Variants in HHAT observed in about 807,000 individuals in gnomAD.
The protein encoded by HHAT is hedgehog acyltransferase, also known as protein-cysteine N-palmitoyltransferase HHAT.
In HHAT, 47 loss-of-function variants were observed where a neutral mutation model predicts 70.8. That is an observed-to-expected ratio of 0.66 (90% CI 0.53 to 0.85). The LOEUF (loss-of-function observed/expected upper bound fraction) is 0.85. Among genes scored for constraint, HHAT ranks in the 40% least tolerant of loss-of-function variants. HHAT has a pLI of 0.00. For synonymous variants in HHAT, 228 were observed against 247.6 expected, an observed-to-expected ratio of 0.92 and a Z score of 0.74; for missense variants, 609 against 604.8, an observed-to-expected ratio of 1.01 and a Z score of -0.07.
At chr1:210,421,746 G>A (rs548376064) in intron 7 of HHAT, among the ~76,000 whole-genome samples, 2 of 152,040 alleles carry the variant, frequency 1.3e-5, no homozygotes, top group East Asian at 3.9e-4. Flanking sequence ...TGCCTGGCCT[G>A]GTATATAATT....
intron 8 of HHAT, among the ~76,000 whole-genome samples, chr1:210,481,545 C>G (rs2094396918): frequency 6.6e-6 from 1 of 152,116 alleles, no homozygotes; most frequent in African/African-American, 2.4e-5. Flanking sequence ...AAACAAGGCA[C>G]TAAATAGGTG....
intron 9 of HHAT, among the ~76,000 whole-genome samples, chr1:210,536,361 G>C (rs1288016348): frequency 6.6e-6 from 1 of 152,216 alleles, no homozygotes; most frequent in African/African-American, 2.4e-5. Context: ...TTTCAGTACT[G>C]AACTTTCTTT....
chr1:210,527,716 A>G (rs12121717), intron 9 of HHAT, among the ~76,000 whole-genome samples: 29,206 of 152,226 alleles, frequency 0.19, 3,388 homozygotes, highest in Middle Eastern at 0.29. Flanking sequence ...TGAGCACGTG[A>G]CAGAGGATGG....
intron 10 of HHAT, among the ~76,000 whole-genome samples, chr1:210,600,094 A>G (rs59114134): frequency 0.011 from 1,711 of 152,228 alleles, 48 homozygotes; most frequent in African/African-American, 0.039. Context: ...TCCTAACTCA[A>G]TTAGATCCCA....
intron 1 of HHAT, among the ~76,000 whole-genome samples, chr1:210,330,317 G>A (rs1266288887): frequency 6.6e-6 from 1 of 152,186 alleles, no homozygotes; most frequent in African/African-American, 2.4e-5. Flanking sequence ...TAAGGAGACT[G>A]TGTGCTTATT....
intron 11 of HHAT, among the ~76,000 whole-genome samples, chr1:210,625,721 T>C (rs1260892486): frequency 6.6e-6 from 1 of 152,244 alleles, no homozygotes; most frequent in African/African-American, 2.4e-5. Flanking sequence ...CATAGAAGTT[T>C]GTTTCTCTGA....
intron 8 of HHAT, among the ~76,000 whole-genome samples, chr1:210,476,551 C>G (rs968904978): frequency 1.3e-5 from 2 of 152,226 alleles, no homozygotes; most frequent in South Asian, 2.1e-4. Flanking sequence ...CTATGCAGCT[C>G]TCTTACAAAC....
At chr1:210,483,994 T>A (rs765181315) in intron 8 of HHAT, among the ~76,000 whole-genome samples, 3 of 152,210 alleles carry the variant, frequency 2.0e-5, no homozygotes, top group African/African-American at 7.2e-5. Flanking sequence ...TTGTGACTGA[T>A]TGACCGGCTC....
At chr1:210,547,498 C>A (rs1024529328) in intron 9 of HHAT, among the ~76,000 whole-genome samples, 1 of 152,150 alleles carries the variant, frequency 6.6e-6, no homozygotes, top group Non-Finnish European at 1.5e-5. Flanking sequence ...AGATCCTGGT[C>A]CCTCAGTAGT....
chr1:210,553,615 G>A (rs749741359), intron 9 of HHAT, among the ~76,000 whole-genome samples: 34 of 152,336 alleles, frequency 2.2e-4, no homozygotes, highest in African/African-American at 6.3e-4. Context: ...CCCACAGGGC[G>A]TCAGACAGTA....
chr1:210,496,374 C>T (rs1424744399), intron 8 of HHAT, among the ~76,000 whole-genome samples: 1 of 152,034 alleles, frequency 6.6e-6, no homozygotes, highest in East Asian at 1.9e-4. Flanking sequence ...GAGAGTGCCC[C>T]CAAGACAGAA....
chr1:210,658,692 G>A (rs1271029130), intron 11 of HHAT, among the ~76,000 whole-genome samples: 3 of 152,292 alleles, frequency 2.0e-5, no homozygotes, highest in African/African-American at 7.2e-5. Context: ...TGGAAGTGAA[G>A]CACTCCTCAG....
intron 9 of HHAT, among the ~76,000 whole-genome samples, chr1:210,569,352 C>A (rs182732331): frequency 1.0e-5 from 1 of 99,984 alleles, no homozygotes; most frequent in Non-Finnish European, 1.9e-5. Context: ...CCAGCTCGGG[C>A]GACAGAGCCA....
Position 210,526,367 on chromosome 1 carries a change from G to GTTTTGTTTTGTTTTGTTTTTTTTTTTTTT in HHAT, c.1043+13183_1043+13184insGTTTTGTTTTGTTTTTTTTTTTTTTTTTT. On this transcript the variant is annotated intron_variant, in intron 9 of 11. Transcript: ENST00000261458. ...TAATAAACTAACCAGAGTGGGTTCT[G>GTTTTGTTTTGTTTTGTTTTTTTTTTTTTT]TTTTTTTTTTTGCCACTGAGATAAC... Among the ~76,000 whole-genome samples the GTTTTGTTTTGTTTTGTTTTTTTTTTTTTT allele has an allele frequency of 3.9e-3, 558 of 142,246 alleles. 11 individuals are homozygous for GTTTTGTTTTGTTTTGTTTTTTTTTTTTTT. Among genetic ancestry groups the GTTTTGTTTTGTTTTGTTTTTTTTTTTTTT allele is most frequent in the African/African-American group, 0.011 (411 of 38,146 alleles). 93.3% of individuals were successfully genotyped at this position (142,246 alleles called of 152,430 possible).
intron 4 of HHAT, among the ~76,000 whole-genome samples, chr1:210,399,117 C>T (rs2091939844): frequency 6.6e-6 from 1 of 152,234 alleles, no homozygotes; most frequent in Non-Finnish European, 1.5e-5. Flanking sequence ...GCACTTATCA[C>T]TTTTCAATTC....
At chr1:210,482,107 C>T (rs182672225) in intron 8 of HHAT, among the ~76,000 whole-genome samples, 212 of 152,270 alleles carry the variant, frequency 1.4e-3, no homozygotes, top group Middle Eastern at 6.8e-3. Context: ...AGAAGTTTTA[C>T]AGCACTGTAC....
chr1:210,521,202 G>A (rs1249042663), intron 9 of HHAT, among the ~76,000 whole-genome samples: 1 of 152,182 alleles, frequency 6.6e-6, no homozygotes, highest in Non-Finnish European at 1.5e-5. Flanking sequence ...TTTGAAGCAT[G>A]ATTTTGTTCT....
chr1:210,659,490 C>CAA (rs1677179175), intron 11 of HHAT, among the ~76,000 whole-genome samples: 1 of 151,964 alleles, frequency 6.6e-6, no homozygotes, highest in African/African-American at 2.4e-5. Flanking sequence ...ACCAGAGGTA[C>CAA]AAAAAGGAGC....
intron 9 of HHAT, among the ~76,000 whole-genome samples, chr1:210,585,151 C>T (rs896239413): frequency 6.7e-6 from 1 of 149,482 alleles, no homozygotes; most frequent in African/African-American, 2.6e-5. Flanking sequence ...AGTAAGTTGG[C>T]TGTACAGATG....
Sources: gnomAD v4.1 joint callset for allele counts (sites outside exome capture counted in the v4.1 genomes callset) on GRCh38, gnomAD v4.1.1 for gene constraint, MANE v1.5 for transcripts, NCBI Gene and HGNC (gene_info 2026-07-23, HGNC 2026-07-21) for gene names.